GPM6A: variants seen among roughly 807,000 people sequenced by gnomAD.
GPM6A encodes the protein neuronal membrane glycoprotein M6-a.
In GPM6A, 7 loss-of-function variants were observed where a neutral mutation model predicts 32.1. The observed-to-expected ratio is 0.22, with a 90% CI of 0.12 to 0.41. The LOEUF is 0.41. Among genes scored for constraint, GPM6A ranks in the 10% least tolerant of loss-of-function variants. The pLI, the probability that GPM6A is intolerant of heterozygous loss-of-function variation, is 1.00. For missense variants in GPM6A, 235 were observed against 347.2 expected, an observed-to-expected ratio of 0.68 and a Z score of 2.57; for synonymous variants, 130 against 123.4, an observed-to-expected ratio of 1.05 and a Z score of -0.35.
intron 1 of GPM6A, among the ~76,000 whole-genome samples, chr4:175,944,909 CT>C (rs1386769935): frequency 1.3e-5 from 2 of 151,692 alleles, no homozygotes; most frequent in African/African-American, 4.8e-5. Flanking sequence ...TTTCAGAGAC[CT>C]CGAATCATTA....
At chr4:175,980,440 C>T (rs1224099556) in intron 1 of GPM6A, among the ~76,000 whole-genome samples, 4 of 152,154 alleles carry the variant, frequency 2.6e-5, no homozygotes, top group Non-Finnish European at 4.4e-5. Context: ...GTACTGACAA[C>T]AGGATTTGAA....
In GPM6A at chr4:175,683,302, T is replaced by C. The variant is rs116113972; in HGVS notation, c.231-9466A>G. 3.9e-4 allele frequency among the ~76,000 whole-genome samples: 60 copies of C among 152,298 alleles called. 1 individual carries two copies. The highest frequency in any genetic ancestry group is 1.4e-3 in the African/African-American group (58 of 41,572). On this transcript the variant is annotated intron_variant, in intron 2 of 6. Transcript: ENST00000393658. ...TGGGAATATTTACCTACTGTCTGTG[T>C]CTCCATTGTATCTTGGAAGGAATTA...
chr4:175,873,711 A>G (rs1263970268), intron 1 of GPM6A, among the ~76,000 whole-genome samples: 2 of 152,168 alleles, frequency 1.3e-5, no homozygotes, highest in African/African-American at 4.8e-5. Context: ...TGAATCCCCA[A>G]TATTTAAAAG....
At chr4:175,692,644 T>C (rs1323817104) in intron 2 of GPM6A, among the ~76,000 whole-genome samples, 1 of 152,154 alleles carries the variant, frequency 6.6e-6, no homozygotes, top group Non-Finnish European at 1.5e-5. Context: ...TTAATGTTTT[T>C]ATAACACTTC....
At chr4:175,923,522 G>T (rs1035598335) in intron 1 of GPM6A, among the ~76,000 whole-genome samples, 1 of 149,950 alleles carries the variant, frequency 6.7e-6, no homozygotes, top group African/African-American at 2.4e-5. Flanking sequence ...CTGCAGTTTT[G>T]GGGTTTTTTT....
At chr4:175,664,586 T>A (rs1170884931) in intron 3 of GPM6A, among the ~76,000 whole-genome samples, 1 of 152,252 alleles carries the variant, frequency 6.6e-6, no homozygotes, top group Non-Finnish European at 1.5e-5. Context: ...CAACAAATCA[T>A]GTTCATATAC....
At chr4:175,667,261 G>T (rs906532311) in intron 3 of GPM6A, among the ~76,000 whole-genome samples, 4 of 152,114 alleles carry the variant, frequency 2.6e-5, no homozygotes, top group Admixed American at 2.0e-4. Flanking sequence ...GCCTTGATAT[G>T]ATGTGATGAG....
chr4:175,805,403 A>G (rs1294498344), intron 1 of GPM6A, among the ~76,000 whole-genome samples: 2 of 152,252 alleles, frequency 1.3e-5, no homozygotes, highest in African/African-American at 2.4e-5. Flanking sequence ...AAATCAATGA[A>G]GAATGCTAAT....
chr4:175,962,927 A>T (rs1403392192), intron 1 of GPM6A, among the ~76,000 whole-genome samples: 1 of 152,204 alleles, frequency 6.6e-6, no homozygotes, highest in Non-Finnish European at 1.5e-5. Flanking sequence ...GATAAAGCAG[A>T]TAGCATGTAA....
intron 1 of GPM6A, among the ~76,000 whole-genome samples, chr4:175,723,263 A>C (rs2111121105): frequency 6.6e-6 from 1 of 152,334 alleles, no homozygotes; most frequent in Admixed American, 6.5e-5. Context: ...AAGCTTGACC[A>C]TCTCAGGACT....
intron 1 of GPM6A, among the ~76,000 whole-genome samples, chr4:175,810,852 G>C (rs1024962977): frequency 2.0e-5 from 3 of 152,104 alleles, no homozygotes; most frequent in Non-Finnish European, 2.9e-5. Flanking sequence ...ATGAAAACTT[G>C]GGCTATTTGT....
At chr4:175,927,204 G>C (rs1738870111) in intron 1 of GPM6A, among the ~76,000 whole-genome samples, 1 of 152,214 alleles carries the variant, frequency 6.6e-6, no homozygotes, top group Admixed American at 6.5e-5. Flanking sequence ...TGCCTATTAG[G>C]ACGGAAGGAC....
chr4:175,811,608 T>C (rs1345347949), intron 1 of GPM6A, among the ~76,000 whole-genome samples: 2 of 152,198 alleles, frequency 1.3e-5, no homozygotes, highest in Non-Finnish European at 2.9e-5. Context: ...GTCAACTATA[T>C]AGAAAGGAAA....
intron 1 of GPM6A, among the ~76,000 whole-genome samples, chr4:175,829,150 G>C (rs6845285): frequency 6.6e-6 from 1 of 152,168 alleles, no homozygotes; most frequent in Admixed American, 6.5e-5. Flanking sequence ...GGCTGGTCTC[G>C]AAATCCTGAG....
intron 1 of GPM6A, among the ~76,000 whole-genome samples, chr4:175,984,409 C>T (rs1338435472): frequency 6.6e-6 from 1 of 152,142 alleles, no homozygotes; most frequent in Non-Finnish European, 1.5e-5. Context: ...GTGATCTACC[C>T]ACCTTGGCCT....
At chr4:175,668,123 C>G (rs919064026) in intron 3 of GPM6A, among the ~76,000 whole-genome samples, 3 of 152,078 alleles carry the variant, frequency 2.0e-5, no homozygotes, top group Non-Finnish European at 1.5e-5. Flanking sequence ...TTACATTAGA[C>G]ATCAGAAAAA....
chr4:175,676,844 G>A (rs940720757), intron 2 of GPM6A, among the ~76,000 whole-genome samples: 19 of 152,212 alleles, frequency 1.2e-4, no homozygotes, highest in African/African-American at 4.6e-4. Flanking sequence ...TAAGATAAGT[G>A]TCTATCAAAA....
intron 1 of GPM6A, among the ~76,000 whole-genome samples, chr4:175,913,114 G>A (rs989673201): frequency 6.6e-6 from 1 of 152,152 alleles, no homozygotes; most frequent in Non-Finnish European, 1.5e-5. Flanking sequence ...TTGCAAATAA[G>A]TGCAAAATAT....
chr4:175,860,434 G>A (rs1231774946), intron 1 of GPM6A, among the ~76,000 whole-genome samples: 1 of 151,836 alleles, frequency 6.6e-6, no homozygotes, highest in African/African-American at 2.4e-5. Flanking sequence ...TGCCCTCAAA[G>A]TTGATAACTT....
Sources: gnomAD v4.1 joint callset for allele counts (sites outside exome capture counted in the v4.1 genomes callset) on GRCh38, gnomAD v4.1.1 for gene constraint, MANE v1.5 for transcripts, NCBI Gene and HGNC (gene_info 2026-07-23, HGNC 2026-07-21) for gene names.